FLT4: variants seen among roughly 807,000 people sequenced by gnomAD.
The protein encoded by FLT4 is vascular endothelial growth factor receptor 3.
In FLT4, 30 loss-of-function variants were observed where a neutral mutation model predicts 163.2. The observed-to-expected ratio is 0.18, with a 90% CI of 0.14 to 0.25. The LOEUF (loss-of-function observed/expected upper bound fraction) is 0.25. Ranked by LOEUF, FLT4 falls within the 10% of genes least tolerant of loss-of-function variation. The probability of loss-of-function intolerance (pLI) is 1.00; values close to 1 mark genes in which losing one functional copy is unlikely to be tolerated. For missense variants in FLT4, 1,510 were observed against 1,863.8 expected, an observed-to-expected ratio of 0.81 and a Z score of 3.50; for synonymous variants, 884 against 789.5, an observed-to-expected ratio of 1.12 and a Z score of -2.01.
chr5:180,623,348 CAGA>C lies in FLT4; in HGVS notation c.1549-512_1549-510del, dbSNP rs1763319938. Among the ~76,000 whole-genome samples the C allele has an allele frequency of 6.6e-6, 1 of 152,134 alleles. No homozygotes were observed. The highest frequency in any genetic ancestry group is 1.9e-4 in the East Asian group (1 of 5,172). ...TATTGAGAGGGGTGGGGATGGCTCC[CAGA>C]AGGACTGAGGCCTCAGGGAGTAGGA... On this transcript the variant is annotated intron_variant, in intron 11 of 29. Transcript: ENST00000261937. This position sits in a 1 kb window ranked among gnomAD's most constrained non-coding sequence, Gnocchi z 5.8.
At chr5:180,629,021 T>C (rs1763872425) in intron 7 of FLT4, 22 bp from the exon 8 acceptor site, 40 of 1,594,256 alleles carry the variant, frequency 2.5e-5, no homozygotes, top group Non-Finnish European at 3.4e-5. Context: ...GAGAAGTCAC[T>C]GTAAATCCAG....
chr5:180,619,471 A>G (rs1561713276), intron 18 of FLT4, 105 bp from the exon 19 acceptor site: 1 of 1,003,220 alleles, frequency 1.0e-6, no homozygotes. Context: ...CCCCCAGGAC[A>G]TCCTGCCGGC....
chr5:180,611,917 G>A (rs942244949), intron 26 of FLT4, among the ~76,000 whole-genome samples: 2 of 152,172 alleles, frequency 1.3e-5, no homozygotes, highest in Non-Finnish European at 2.9e-5. Context: ...CCCTAGCTGA[G>A]CTGGCAGCCT....
At chr5:180,638,978 G>A (rs527986454) in intron 1 of FLT4, among the ~76,000 whole-genome samples, 1 of 125,576 alleles carries the variant, frequency 8.0e-6, no homozygotes, top group African/African-American at 3.0e-5. Context: ...GTGAACACTC[G>A]TTGAATGAAA....
intron 1 of FLT4, among the ~76,000 whole-genome samples, chr5:180,645,492 G>A (rs910337935): frequency 1.3e-5 from 2 of 152,212 alleles, no homozygotes; most frequent in Non-Finnish European, 2.9e-5. Flanking sequence ...AGCTCCTGCC[G>A]CAGGAAGAGG....
rs760862462 is a variant in FLT4 at position 180,620,715 on chromosome 5, C to G, written c.2300G>C (p.Gly767Ala). 3 of 1,612,366 alleles carry G rather than the reference C, an allele frequency of 1.9e-6. No homozygotes were observed. The highest frequency in any genetic ancestry group is 2.2e-5 in the East Asian group (1 of 44,810). Residue 767 changes from glycine to alanine, a missense_variant and splice_region_variant, in exon 16 of 30, where the codon GGC (glycine) becomes GCC (alanine). Physicochemically the swap from Gly to Ala is moderately conservative, Grantham distance 60. This residue lies in a region of FLT4 where 878 missense variants were observed against 1,016.7 expected (regional missense o/e 0.86). Coordinates refer to ENST00000261937, the MANE Select transcript of FLT4 (RefSeq NM_182925.5). The surrounding 1 kb of genome is among the most constrained non-coding windows in gnomAD (Gnocchi z 4.4). Reference sequence around the variant, plus strand: ...CTCCATGCTGCCCTTATCCTCGGAGCCTGCGTGGGCAGAAAGGGGCCGGCG... The same window carrying G: ...CTCCATGCTGCCCTTATCCTCGGAGGCTGCGTGGGCAGAAAGGGGCCGGCG... ...VNSSASVAVE[G>A]SEDKGSMEIV...
Position 180,603,111 on chromosome 5 carries a change from G to A in FLT4, c.*81C>T. On this transcript the variant is annotated 3_prime_UTR_variant, in exon 30 of 30. Transcript: ENST00000261937. ...GTGCCACCAGAGTTCAACCAGATGAGTTCCCAGCCTGGGCCTCCAGCCCTC... is the reference window on the plus strand; with the variant it reads ...GTGCCACCAGAGTTCAACCAGATGAATTCCCAGCCTGGGCCTCCAGCCCTC... 2 of 1,394,906 alleles carry A rather than the reference G, an allele frequency of 1.4e-6. No homozygotes were observed. Among genetic ancestry groups the A allele is most frequent in the Non-Finnish European group, 2.0e-6 (2 of 990,646 alleles). 86.4% of individuals were successfully genotyped at this position (1,394,906 alleles called of 1,614,324 possible). A position where few individuals can be genotyped will look rare whatever the true frequency, so the allele number is the denominator to read the frequency against.
intron 5 of FLT4, 41 bp downstream of exon 5, chr5:180,629,902 G>C (rs1297325071): frequency 3.1e-6 from 5 of 1,612,630 alleles, no homozygotes; most frequent in African/African-American, 1.3e-5. Flanking sequence ...CAGTGAGGCA[G>C]TGACAGCCCC....
In FLT4 at chr5:180,623,897, C is replaced by T; in HGVS notation, c.1548+38G>A. On this transcript the variant is annotated intron_variant, in intron 11 of 29. Coordinates refer to ENST00000261937, the MANE Select transcript of FLT4 (RefSeq NM_182925.5). The surrounding 1 kb of genome is among the most constrained non-coding windows in gnomAD (Gnocchi z 5.8). ...AATGGCCTCTCTCTCCTCCCTTCTC[C>T]TTCTCCCTGGGCACTCAGCAGCGCG... is the stretch of plus-strand genomic sequence containing the variant. The T allele has an allele frequency of 6.2e-7, 1 of 1,612,640 alleles. No individual in the cohort carries two copies. The highest frequency in any genetic ancestry group is 8.5e-7 in the Non-Finnish European group (1 of 1,179,448).
chr5:180,645,678 CCCCGTCCAG>C (rs1484599692), intron 1 of FLT4, among the ~76,000 whole-genome samples: 1 of 152,316 alleles, frequency 6.6e-6, no homozygotes, highest in Admixed American at 6.5e-5. Context: ...CCTGCTGTTA[CCCCGTCCAG>C]CCCGGCCAGG....
chr5:180,640,305 C>T (rs1238068803), intron 1 of FLT4, among the ~76,000 whole-genome samples: 2 of 152,216 alleles, frequency 1.3e-5, no homozygotes, highest in Non-Finnish European at 2.9e-5. Flanking sequence ...GAAACTGAGG[C>T]GCCAGGCCTC....
intron 26 of FLT4, among the ~76,000 whole-genome samples, chr5:180,612,212 G>T (rs1340405230): frequency 6.6e-6 from 1 of 152,342 alleles, no homozygotes; most frequent in African/African-American, 2.4e-5. Flanking sequence ...CAGGGAGATG[G>T]GGCTGCCTCA....
chr5:180,622,934 C>CCA (rs1561722981), intron 11 of FLT4, 95 bp from the exon 12 acceptor site: 1 of 789,110 alleles, frequency 1.3e-6, no homozygotes, highest in Non-Finnish European at 2.2e-6. Context: ...CACCACCCCC[C>CCA]CCAATCATGG....
Position 180,620,511 on chromosome 5 carries a change from A to C in FLT4, c.2406+98T>G. ...AGGCTTCCCAGGAAACAAGGCTGCC[A>C]GGTGAACTAGGGCGGGCACCTTATT... On this transcript the variant is annotated intron_variant, in intron 16 of 29. Transcript: ENST00000261937. The surrounding 1 kb of genome is among the most constrained non-coding windows in gnomAD (Gnocchi z 4.4). 1.7e-6 allele frequency: 2 copies of C among 1,188,420 alleles called. No individual in the cohort carries two copies. The highest frequency in any genetic ancestry group is 2.5e-6 in the Non-Finnish European group (2 of 806,422). The allele number at this position is 1,188,420 out of a possible 1,614,324, so 73.6% of individuals were successfully genotyped here.
At position 180,608,950 on chromosome 5, in the gene FLT4, G is replaced by T; in HGVS notation, c.3893+18C>A. The T allele has an allele frequency of 6.2e-7, 1 of 1,601,698 alleles. No homozygotes were observed. The highest frequency in any genetic ancestry group is 8.6e-7 in the Non-Finnish European group (1 of 1,168,616). On this transcript the variant is annotated intron_variant, in intron 29 of 29. Coordinates refer to ENST00000261937, the MANE Select transcript of FLT4 (RefSeq NM_182925.5). ...CAACATCGATACCTGCAGTGCAGGA[G>T]GCTCACGAAGCCCTTACCTGAAGCC...
In FLT4 at chr5:180,645,480, C is replaced by T. The variant is rs1236991856; in HGVS notation, c.58+4008G>A. ...CCCCAGTGCTGCTAAATCGGGGCCACCAGCTCCTGCCGCAGGAAGAGGGAA... is the reference window on the plus strand; with the variant it reads ...CCCCAGTGCTGCTAAATCGGGGCCATCAGCTCCTGCCGCAGGAAGAGGGAA... On this transcript the variant is annotated intron_variant, in intron 1 of 29. Transcript: ENST00000261937. Among the ~76,000 whole-genome samples, 4 of 152,220 alleles carry T rather than the reference C, an allele frequency of 2.6e-5. No individual in the cohort carries two copies. The East Asian group carries it at 5.8e-4, about 22-fold the overall frequency.
Position 180,649,531 on chromosome 5 carries a change from G to C in FLT4, c.15C>G (p.Ala5=). The C allele has an allele frequency of 1.0e-5, 15 of 1,441,466 alleles. No homozygotes were observed. The highest frequency in any genetic ancestry group is 1.4e-5 in the Non-Finnish European group (15 of 1,097,572). 89.3% of individuals were successfully genotyped at this position (1,441,466 alleles called of 1,614,324 possible). ...AGAGCCACAGTCGCAGGCACAGCGC[G>C]GCGCCCCGCTGCATCTCCGGCCGCT... The part of the protein sequence containing the change: MQRG[A]ALCLRLWLCL... The change falls in exon 1 of 30, where the codon GCC becomes GCG. Residue 5 remains alanine, a synonymous_variant. Coordinates refer to ENST00000261937, the MANE Select transcript of FLT4 (RefSeq NM_182925.5).
chr5:180,624,458 C>T (rs1763444378), intron 10 of FLT4, among the ~76,000 whole-genome samples: 1 of 152,180 alleles, frequency 6.6e-6, no homozygotes, highest in African/African-American at 2.4e-5. Flanking sequence ...GAACTCCTGA[C>T]CTCAGGTGAT....
Position 180,630,147 on chromosome 5 carries a change from C to T in FLT4, c.514-42G>A, listed in dbSNP as rs770353127. 1 of 1,612,226 alleles carries T rather than the reference C, an allele frequency of 6.2e-7. No individual in the cohort carries two copies. Among genetic ancestry groups the T allele is most frequent in the Admixed American group, 1.7e-5 (1 of 59,992 alleles). On this transcript the variant is annotated intron_variant, in intron 4 of 29. Coordinates refer to ENST00000261937, the MANE Select transcript of FLT4 (RefSeq NM_182925.5). This position sits in a 1 kb window ranked among gnomAD's most constrained non-coding sequence, Gnocchi z 6.3. ...ACCATCATTGCCCAGCTGCCCCTTG[C>T]TCCTGGCCAGACAGGCGGCCGCCTT...
Sources: allele counts gnomAD v4.1 joint callset (sites outside exome capture counted in the v4.1 genomes callset), GRCh38; gene constraint gnomAD v4.1.1; regional missense constraint gnomAD v4.1.1; non-coding constraint Gnocchi (gnomAD v3.1); transcripts MANE v1.5; gene names NCBI Gene and HGNC (gene_info 2026-07-23, HGNC 2026-07-21).